Variants in MAPKAP1 observed in about 807,000 individuals in gnomAD.
The protein encoded by MAPKAP1 is MAPK associated protein 1.
MAPKAP1 carries 20 observed loss-of-function variants against 65.7 expected under a neutral mutation model. That is an observed-to-expected ratio of 0.30 (90% CI 0.21 to 0.44). MAPKAP1 has a LOEUF of 0.44. MAPKAP1 is among the 20% of genes least tolerant of loss of function. MAPKAP1 has a pLI of 1.00. For synonymous variants in MAPKAP1, 222 were observed against 244.3 expected (o/e 0.91, Z 0.85); for missense variants, 423 against 648.0 (o/e 0.65, Z 3.77).
chr9:125,675,011 A>G (rs574834455), intron 1 of MAPKAP1, among the ~76,000 whole-genome samples: 11 of 152,326 alleles, frequency 7.2e-5, no homozygotes, highest in African/African-American at 2.6e-4. Flanking sequence ...TTTCACTTGT[A>G]AAAATACAAA....
At chr9:125,522,800 T>A (rs1255739126) in intron 7 of MAPKAP1, among the ~76,000 whole-genome samples, 3 of 152,162 alleles carry the variant, frequency 2.0e-5, no homozygotes, top group Non-Finnish European at 4.4e-5. Flanking sequence ...TTTCTATCCA[T>A]CCTAATTTCT....
chr9:125,483,966 C>T (rs1373463738), intron 9 of MAPKAP1, among the ~76,000 whole-genome samples: 2 of 152,158 alleles, frequency 1.3e-5, no homozygotes, highest in Non-Finnish European at 2.9e-5. Flanking sequence ...AAATTTAGCA[C>T]ATAATTAGAA....
chr9:125,648,064 CT>C (rs1448771099), intron 4 of MAPKAP1, among the ~76,000 whole-genome samples: 2 of 151,540 alleles, frequency 1.3e-5, no homozygotes, highest in Non-Finnish European at 2.9e-5. Context: ...AAAGGAAAAA[CT>C]TTTGTTTTTA....
intron 4 of MAPKAP1, among the ~76,000 whole-genome samples, chr9:125,611,460 T>C (rs1032437257): frequency 6.6e-6 from 1 of 152,034 alleles, no homozygotes; most frequent in Non-Finnish European, 1.5e-5. Context: ...TTCTGATAGG[T>C]GTAGCTAGAG....
rs143907636 is a variant in MAPKAP1 at position 125,664,642 on chromosome 9, T to C, written c.349+5176A>G. On this transcript the variant is annotated intron_variant, in intron 3 of 11. Transcript: ENST00000265960. ...TGGGAGGCTGAGGCAGGAGAATCAT[T>C]TGAATCTGGGAGGCGGAGGTTGCAG... 7.1e-3 allele frequency among the ~76,000 whole-genome samples: 971 copies of C among 136,452 alleles called. 10 individuals are homozygous for C. Among genetic ancestry groups the C allele is most frequent in the African/African-American group, 0.025 (928 of 37,822 alleles). 89.5% of individuals were successfully genotyped at this position (136,452 alleles called of 152,430 possible).
At position 125,480,974 on chromosome 9, in the gene MAPKAP1, GGAAAAAAAAAA is replaced by G. The variant is rs1289352051; in HGVS notation, c.1207+3458_1207+3468del. ...GTGACAGAGCGAGACTCCGTTTCGGGGAAAAAAAAAAAAAAAAAAAAAAAAAAGAATATGCT... is the reference window on the plus strand; with the variant it reads ...GTGACAGAGCGAGACTCCGTTTCGGGAAAAAAAAAAAAAAAAGAATATGCT... On this transcript the variant is annotated intron_variant, in intron 9 of 11. Coordinates refer to ENST00000265960, the MANE Select transcript of MAPKAP1 (RefSeq NM_001006617.3). 4.7e-3 allele frequency among the ~76,000 whole-genome samples: 463 copies of G among 97,648 alleles called. 5 individuals carry two copies. The highest frequency in any genetic ancestry group is 9.0e-3 in the Admixed American group (80 of 8,884). The allele number at this position is 97,648 out of a possible 152,430, so 64.1% of individuals were successfully genotyped here.
intron 1 of MAPKAP1, among the ~76,000 whole-genome samples, chr9:125,677,452 T>C (rs1389418915): frequency 1.3e-5 from 2 of 152,048 alleles, no homozygotes; most frequent in Non-Finnish European, 2.9e-5. Flanking sequence ...TCCCAGCACT[T>C]TGGGGGGCCA....
chr9:125,543,671 G>C (rs1454175601), intron 6 of MAPKAP1, among the ~76,000 whole-genome samples: 1 of 152,180 alleles, frequency 6.6e-6, no homozygotes, highest in Non-Finnish European at 1.5e-5. Flanking sequence ...TGGCGGGGGG[G>C]CAGTGATAAA....
intron 9 of MAPKAP1, among the ~76,000 whole-genome samples, chr9:125,468,527 G>A (rs1853771598): frequency 6.6e-6 from 1 of 152,214 alleles, no homozygotes; most frequent in Non-Finnish European, 1.5e-5. Context: ...AAGATCTGGG[G>A]TGGACAGATA....
At chr9:125,693,634 TAC>T (rs200346691) in intron 1 of MAPKAP1, among the ~76,000 whole-genome samples, 2,959 of 148,244 alleles carry the variant, frequency 0.02, 82 homozygotes, top group South Asian at 0.039. Flanking sequence ...TATACACATA[TAC>T]ACACACATAT....
chr9:125,499,619 T>A (rs181089367), intron 8 of MAPKAP1, among the ~76,000 whole-genome samples: 92 of 152,176 alleles, frequency 6.0e-4, no homozygotes, highest in Non-Finnish European at 1.1e-3. Flanking sequence ...TGTTCGGAAG[T>A]AGAGTGGGAA....
At chr9:125,706,915 G>A (rs1393906699) in intron 1 of MAPKAP1, 56 bp downstream of exon 1, 2 of 388,904 alleles carry the variant, frequency 5.1e-6, no homozygotes, top group Admixed American at 4.5e-5. Flanking sequence ...CCGCCAGGTG[G>A]GCAAGCTGGT....
intron 9 of MAPKAP1, among the ~76,000 whole-genome samples, chr9:125,475,373 C>G (rs1854066080): frequency 6.6e-6 from 1 of 152,174 alleles, no homozygotes; most frequent in Non-Finnish European, 1.5e-5. Flanking sequence ...AAATGAAACC[C>G]AGTAGAGCCT....
chr9:125,609,508 G>C (rs1226686155), intron 4 of MAPKAP1, among the ~76,000 whole-genome samples: 2 of 152,068 alleles, frequency 1.3e-5, no homozygotes, highest in African/African-American at 2.4e-5. Context: ...TTTTAAGAAA[G>C]AGTATGTTGT....
chr9:125,572,175 G>C lies in MAPKAP1; in HGVS notation c.672-12366C>G, dbSNP rs1406793497. Among the ~76,000 whole-genome samples the C allele has an allele frequency of 3.3e-5, 5 of 152,158 alleles. No individual in the cohort carries two copies. The East Asian group carries it at 9.6e-4, about 29-fold the overall frequency. ...CTTTAACTGGAATGGTGTGTACAAG[G>C]TTTCTGACCTGTGATAAGTAAAGAA... On this transcript the variant is annotated intron_variant, in intron 5 of 11. Transcript: ENST00000265960.
chr9:125,587,517 C>T lies in MAPKAP1; in HGVS notation c.499-1790G>A, dbSNP rs549920657. Among the ~76,000 whole-genome samples, 9 of 152,252 alleles carry T rather than the reference C, an allele frequency of 5.9e-5. No individual in the cohort carries two copies. The South Asian group carries it at 1.9e-3, about 32-fold the overall frequency. ...GAAGGCAGATGTTGCAATGAGCCAA[C>T]ATCATGCCACTGCACTCCAGCCTGG... On this transcript the variant is annotated intron_variant, in intron 4 of 11. Coordinates refer to ENST00000265960, the MANE Select transcript of MAPKAP1 (RefSeq NM_001006617.3).
intron 4 of MAPKAP1, among the ~76,000 whole-genome samples, chr9:125,619,808 T>A (rs1005940861): frequency 2.6e-5 from 4 of 151,524 alleles, no homozygotes; most frequent in Admixed American, 6.6e-5. Context: ...AAAAAAAAAA[T>A]TAGTGCATAG....
In MAPKAP1 at chr9:125,707,130, G is replaced by A. The variant is rs1050971987; in HGVS notation, c.-229C>T. The A allele has an allele frequency of 1.8e-5, 7 of 398,158 alleles. No homozygotes were observed. Among genetic ancestry groups the A allele is most frequent in the African/African-American group, 6.2e-5 (3 of 48,626 alleles). 24.7% of individuals were successfully genotyped at this position (398,158 alleles called of 1,614,324 possible). On this transcript the variant is annotated 5_prime_UTR_variant, in exon 1 of 12. Coordinates refer to ENST00000265960, the MANE Select transcript of MAPKAP1 (RefSeq NM_001006617.3). ...CCGGCCCGCTCAGCTGCCGCTTCCC[G>A]GGTTAGCCCTCATGCCCCTGCTGCT...
intron 4 of MAPKAP1, among the ~76,000 whole-genome samples, chr9:125,620,736 T>A (rs1479530797): frequency 4.6e-5 from 7 of 152,062 alleles, no homozygotes; most frequent in African/African-American, 1.7e-4. Flanking sequence ...CATTGTTACA[T>A]GAAAAAAGCA....
Sources: gnomAD v4.1 joint callset for allele counts (sites outside exome capture counted in the v4.1 genomes callset) on GRCh38, gnomAD v4.1.1 for gene constraint, MANE v1.5 for transcripts, NCBI Gene and HGNC (gene_info 2026-07-23, HGNC 2026-07-21) for gene names.